Variants in RABGAP1L observed in about 807,000 individuals in gnomAD.
RABGAP1L encodes the protein RAB GTPase activating protein 1 like.
Under a neutral mutation model 137.7 loss-of-function variants are expected in RABGAP1L, and 63 were observed. The ratio of observed to expected loss-of-function variants is 0.46; its 90% CI spans 0.37 to 0.56. RABGAP1L has a LOEUF of 0.56. Ranked by LOEUF, RABGAP1L falls within the 20% of genes least tolerant of loss-of-function variation. RABGAP1L has a pLI of 0.00. For synonymous variants in RABGAP1L, 431 were observed against 433.7 expected, an observed-to-expected ratio of 0.99 and a Z score of 0.08; for missense variants, 1,095 against 1,244.0, an observed-to-expected ratio of 0.88 and a Z score of 1.80.
chr1:174,304,922 A>G, intron 10 of RABGAP1L, 64 bp from the exon 11 acceptor site: 1 of 1,365,808 alleles, frequency 7.3e-7, no homozygotes, highest in Non-Finnish European at 9.9e-7. Context: ...CATTATTTAA[A>G]TACTATCTTT....
intron 20 of RABGAP1L, among the ~76,000 whole-genome samples, chr1:174,965,389 G>A (rs1422891460): frequency 1.3e-5 from 2 of 152,136 alleles, no homozygotes; most frequent in African/African-American, 4.8e-5. Flanking sequence ...TCTTCCATGG[G>A]CAACCCTTGT....
intron 12 of RABGAP1L, among the ~76,000 whole-genome samples, chr1:174,393,418 A>G (rs1316950197): frequency 6.6e-6 from 1 of 152,208 alleles, no homozygotes; most frequent in Non-Finnish European, 1.5e-5. Flanking sequence ...GGCTTCCTGG[A>G]GGACCTGGGA....
At chr1:174,731,397 G>GT (rs1406559500) in intron 17 of RABGAP1L, among the ~76,000 whole-genome samples, 1 of 152,152 alleles carries the variant, frequency 6.6e-6, no homozygotes. Context: ...CTGGATACTT[G>GT]TCATGTTTAA....
chr1:174,559,373 A>G (rs1667071615), intron 13 of RABGAP1L, among the ~76,000 whole-genome samples: 1 of 152,236 alleles, frequency 6.6e-6, no homozygotes, highest in Non-Finnish European at 1.5e-5. Context: ...AGAAGAGTGC[A>G]TAGGGACTTC....
chr1:174,201,201 C>A (rs781057939), intron 1 of RABGAP1L, among the ~76,000 whole-genome samples: 1 of 151,934 alleles, frequency 6.6e-6, no homozygotes, highest in Non-Finnish European at 1.5e-5. Context: ...AGCAGTAATC[C>A]GTCGCAGGCT....
intron 8 of RABGAP1L, among the ~76,000 whole-genome samples, chr1:174,274,229 T>C (rs1270373653): frequency 6.6e-6 from 1 of 152,148 alleles, no homozygotes; most frequent in South Asian, 2.1e-4. Context: ...GTGATCCTCA[T>C]GACAGGAAAG....
chr1:174,199,249 A>G (rs943226287), intron 1 of RABGAP1L, among the ~76,000 whole-genome samples: 1 of 152,166 alleles, frequency 6.6e-6, no homozygotes, highest in Middle Eastern at 3.2e-3. Flanking sequence ...GACCAGTAAG[A>G]TCTTGAGTCA....
intron 19 of RABGAP1L, among the ~76,000 whole-genome samples, chr1:174,955,724 T>C (rs1668414273): frequency 6.6e-6 from 1 of 152,172 alleles, no homozygotes; most frequent in African/African-American, 2.4e-5. Context: ...CGCAAGAAGT[T>C]TGCAACATAG....
Position 174,400,759 on chromosome 1 carries a change from A to G in RABGAP1L, c.1710+6614A>G, listed in dbSNP as rs548616006. ...GAATTAGTACCCTAGAGAATTTTGC[A>G]ATGGTAGTGGGTCATGTAGATTGAG... On this transcript the variant is annotated intron_variant, in intron 13 of 25. Coordinates refer to ENST00000681986, the MANE Select transcript of RABGAP1L (RefSeq NM_001366446.1). Among the ~76,000 whole-genome samples the G allele has an allele frequency of 1.1e-4, 16 of 152,130 alleles. No homozygotes were observed. In the East Asian group the frequency reaches 2.7e-3, roughly 26 times the overall value.
intron 13 of RABGAP1L, among the ~76,000 whole-genome samples, chr1:174,503,979 CTTT>C (rs201333632): frequency 7.0e-6 from 1 of 142,348 alleles, no homozygotes. Flanking sequence ...TTTTTCTTTT[CTTT>C]TTTTTTTTGT....
intron 10 of RABGAP1L, among the ~76,000 whole-genome samples, chr1:174,301,197 C>A (rs1677669452): frequency 6.6e-6 from 1 of 151,832 alleles, no homozygotes; most frequent in South Asian, 2.1e-4. Flanking sequence ...TTGTGCAGTG[C>A]TTGTTGCTGG....
chr1:174,364,243 CTTTTTTTTTT>C (rs1054313083), intron 11 of RABGAP1L, among the ~76,000 whole-genome samples: 180 of 81,154 alleles, frequency 2.2e-3, no homozygotes, highest in Middle Eastern at 7.2e-3. Context: ...TTTGGATTTC[CTTTTTTTTTT>C]TTTTTTTTTT....
intron 13 of RABGAP1L, among the ~76,000 whole-genome samples, chr1:174,586,913 A>G (rs1669157012): frequency 1.3e-5 from 2 of 152,136 alleles, no homozygotes; most frequent in South Asian, 4.1e-4. Flanking sequence ...CTGTTTTAAA[A>G]AGTACAATAT....
chr1:174,614,895 C>T (rs935577304), intron 13 of RABGAP1L, among the ~76,000 whole-genome samples: 4 of 152,226 alleles, frequency 2.6e-5, no homozygotes, highest in Non-Finnish European at 5.9e-5. Context: ...CTGCATTCTT[C>T]ACGTAGTTCT....
chr1:174,260,456 A>G, intron 7 of RABGAP1L, among the ~76,000 whole-genome samples: 1 of 152,202 alleles, frequency 6.6e-6, no homozygotes, highest in East Asian at 1.9e-4. Context: ...GTAGAAGAGA[A>G]AGCTGACATT....
chr1:174,673,298 C>A (rs993645782), intron 14 of RABGAP1L, among the ~76,000 whole-genome samples: 1 of 152,148 alleles, frequency 6.6e-6, no homozygotes, highest in Non-Finnish European at 1.5e-5. Flanking sequence ...TTCCCATGAT[C>A]TAATTTTTCT....
chr1:174,232,004 C>T lies in RABGAP1L; in HGVS notation c.542+649C>T, dbSNP rs74128325. ...TAGAATATTATAAATAGAAATAAAA[C>T]GGTAAAAATACTTGTAATATTTATT... is the stretch of plus-strand genomic sequence containing the variant. On this transcript the variant is annotated intron_variant, in intron 4 of 25. Coordinates refer to ENST00000681986, the MANE Select transcript of RABGAP1L (RefSeq NM_001366446.1). Among the ~76,000 whole-genome samples the T allele has an allele frequency of 5.8e-3, 876 of 152,154 alleles. 8 individuals are homozygous for T. Among genetic ancestry groups the T allele is most frequent in the African/African-American group, 0.02 (834 of 41,516 alleles).
At chr1:174,351,482 A>T (rs1683185497) in intron 11 of RABGAP1L, among the ~76,000 whole-genome samples, 1 of 152,100 alleles carries the variant, frequency 6.6e-6, no homozygotes, top group South Asian at 2.1e-4. Flanking sequence ...GCACTTTAAA[A>T]TGTCATGGCA....
chr1:174,466,760 C>A (rs762649702), intron 13 of RABGAP1L, among the ~76,000 whole-genome samples: 1 of 152,200 alleles, frequency 6.6e-6, no homozygotes, highest in Non-Finnish European at 1.5e-5. Flanking sequence ...GCACTCTAGT[C>A]TGGGCGAGAG....
Sources: allele counts gnomAD v4.1 joint callset (sites outside exome capture counted in the v4.1 genomes callset), GRCh38; gene constraint gnomAD v4.1.1; transcripts MANE v1.5; gene names NCBI Gene and HGNC (gene_info 2026-07-23, HGNC 2026-07-21).